ABCA13: variants seen among roughly 807,000 people sequenced by gnomAD.
ABCA13 encodes ATP-binding cassette sub-family A member 13.
ABCA13 carries 476 observed loss-of-function variants against 478.7 expected under a neutral mutation model. The observed-to-expected ratio is 0.99, with a 90% confidence interval of 0.92 to 1.07. ABCA13 has a LOEUF of 1.07. ABCA13 is among the 50% of genes least tolerant of loss of function. The pLI is 0.00. For synonymous variants in ABCA13, 2,252 were observed against 2,158.9 expected (o/e 1.04, Z -1.20); for missense variants, 6,060 against 5,910.6 (o/e 1.03, Z -0.83).
intron 29 of ABCA13, among the ~76,000 whole-genome samples, chr7:48,341,323 T>C (rs1807127322): frequency 6.6e-6 from 1 of 152,146 alleles, no homozygotes; most frequent in Admixed American, 6.5e-5. Flanking sequence ...CTGGGCAGGC[T>C]AGCCGCTCCT....
intron 19 of ABCA13, among the ~76,000 whole-genome samples, chr7:48,282,553 G>C (rs1797193091): frequency 6.6e-6 from 1 of 151,994 alleles, no homozygotes; most frequent in South Asian, 2.1e-4. Flanking sequence ...AGAAAAAAGT[G>C]AGGGGTCATC....
rs531858902 is a variant in ABCA13, at chr7:48,272,774, T to G, written c.3108T>G (p.Ile1036Met). 1 of 1,605,898 alleles carries G rather than the reference T, an allele frequency of 6.2e-7. No homozygotes were observed. The highest frequency in any genetic ancestry group is 1.1e-5 in the South Asian group (1 of 90,124). Reference protein sequence around the residue: ...NVSYCQQLLSIFNFLELQAQS... With the variant: ...NVSYCQQLLSMFNFLELQAQS... ...CTTACTGTCAGCAATTGCTTTCAAT[T>G]TTTAACTTTTTGGAGCTTCAGGCCC... The change falls in exon 17 of 62, where the codon ATT (isoleucine) becomes ATG (methionine). Residue 1036 changes from isoleucine (I) to methionine (M), a missense_variant. Ile to Met is a conservative substitution (Grantham distance 10, BLOSUM62 1). Around this residue, in one of 3 missense-constraint regions of ABCA13, gnomAD observed 4,423 missense variants for 4,309.1 expected, o/e 1.03. Transcript: ENST00000435803.
At chr7:48,640,112 C>G (rs888976816) in intron 59 of ABCA13, among the ~76,000 whole-genome samples, 1 of 152,082 alleles carries the variant, frequency 6.6e-6, no homozygotes, top group Non-Finnish European at 1.5e-5. Flanking sequence ...TTCTATTTTG[C>G]ACTTAATATT....
intron 55 of ABCA13, among the ~76,000 whole-genome samples, chr7:48,567,224 A>G (rs541339186): frequency 6.6e-6 from 1 of 152,284 alleles, no homozygotes; most frequent in African/African-American, 2.4e-5. Context: ...GAAGGCAGAA[A>G]GACCTTTTCC....
At chr7:48,527,083 G>A (rs11771656) in intron 54 of ABCA13, among the ~76,000 whole-genome samples, 2,220 of 152,240 alleles carry the variant, frequency 0.015, 22 homozygotes, top group South Asian at 0.024. Flanking sequence ...GGCAGGGAAG[G>A]AAAGGTGGGA....
chr7:48,245,695 T>A, intron 12 of ABCA13, 83 bp downstream of exon 12: 2 of 1,492,536 alleles, frequency 1.3e-6, no homozygotes, highest in Non-Finnish European at 1.8e-6. Flanking sequence ...TTGCTCCTTT[T>A]GTGAATTGTG....
chr7:48,297,798 T>G (rs1356685597), intron 22 of ABCA13, among the ~76,000 whole-genome samples: 1 of 151,694 alleles, frequency 6.6e-6, no homozygotes, highest in East Asian at 1.9e-4. Flanking sequence ...TTTTTTTTTT[T>G]TGTGTCTCAC....
chr7:48,366,131 C>T (rs986326584), intron 31 of ABCA13, among the ~76,000 whole-genome samples: 3 of 152,064 alleles, frequency 2.0e-5, no homozygotes, highest in African/African-American at 7.2e-5. Context: ...GCTTTAGTCT[C>T]CATTTTATTT....
chr7:48,569,725 A>G (rs58321909), intron 55 of ABCA13, among the ~76,000 whole-genome samples: 21,027 of 152,066 alleles, frequency 0.14, 1,831 homozygotes, highest in Admixed American at 0.22. Flanking sequence ...GTTTTTCATC[A>G]TATCGGGCAG....
chr7:48,262,256 A>C (rs936370796), intron 15 of ABCA13, among the ~76,000 whole-genome samples: 1 of 151,916 alleles, frequency 6.6e-6, no homozygotes, highest in Non-Finnish European at 1.5e-5. Context: ...CAGACTAGTC[A>C]ATCTCTAGCT....
At chr7:48,560,801 A>G (rs892831798) in intron 55 of ABCA13, among the ~76,000 whole-genome samples, 1 of 152,240 alleles carries the variant, frequency 6.6e-6, no homozygotes, top group African/African-American at 2.4e-5. Flanking sequence ...AAATAAAATC[A>G]GATTTATTTA....
intron 55 of ABCA13, among the ~76,000 whole-genome samples, chr7:48,544,970 T>C (rs529432872): frequency 3.9e-5 from 6 of 152,100 alleles, no homozygotes; most frequent in Non-Finnish European, 7.4e-5. Flanking sequence ...GCTTGATTGT[T>C]GGTGGGGAGA....
chr7:48,275,924 C>G lies in ABCA13; in HGVS notation c.6258C>G (p.Ile2086Met), dbSNP rs779801879. 2.5e-6 allele frequency: 4 copies of G among 1,613,612 alleles called. No homozygotes were observed. The Admixed American group carries it at 5.0e-5, about 20-fold the overall frequency. ...TGCTTTCTGAAATGAACAAAGGAATCAAAAGTATAAATTCAATGGCTCTTC... is the reference window on the plus strand; with the variant it reads ...TGCTTTCTGAAATGAACAAAGGAATGAAAAGTATAAATTCAATGGCTCTTC... ...RHLLSEMNKG[I>M]KSINSMALQK... The change falls in exon 17 of 62, where the codon ATC becomes ATG. Residue 2086 changes from isoleucine to methionine, a missense_variant. Physicochemically the swap from Ile to Met is conservative, Grantham distance 10. Transcript: ENST00000435803.
chr7:48,293,192 G>GCACCC (rs748200533), intron 20 of ABCA13, among the ~76,000 whole-genome samples: 6 of 108,278 alleles, frequency 5.5e-5, no homozygotes, highest in Non-Finnish European at 9.8e-5. Context: ...GAAGTCTTCA[G>GCACCC]CCCCCCCCCC....
chr7:48,511,163 A>T lies in ABCA13; in HGVS notation c.13604A>T (p.Asn4535Ile), dbSNP rs1320822857. ...TTAACAGCTTTTACTTTCCGCAAGA[A>T]CTTGGCAGCCACGGCCCTCCTGCTG... Reference protein sequence around the residue: ...FQLTAFTFRKNLAATALLLSL... With the variant: ...FQLTAFTFRKILAATALLLSL... The change falls in exon 51 of 62, where the codon AAC (asparagine) becomes ATC (isoleucine). Residue 4535 changes from asparagine (N) to isoleucine (I), a missense_variant. Physicochemically the swap from Asn to Ile is moderately radical, Grantham distance 149. This residue lies in a region of ABCA13 where 1,627 missense variants were observed against 1,571.0 expected (regional missense o/e 1.04). Transcript: ENST00000435803. 3 of 1,613,540 alleles carry T rather than the reference A, an allele frequency of 1.9e-6. No individual in the cohort carries two copies. Among genetic ancestry groups the T allele is most frequent in the Non-Finnish European group, 2.5e-6 (3 of 1,179,650 alleles).
intron 41 of ABCA13, among the ~76,000 whole-genome samples, chr7:48,422,449 T>C (rs576546176): frequency 2.9e-4 from 44 of 152,316 alleles, no homozygotes; most frequent in Non-Finnish European, 5.7e-4. Context: ...GAATTGACTT[T>C]TTATAACTTA....
chr7:48,497,783 T>C (rs1830405153), intron 48 of ABCA13, among the ~76,000 whole-genome samples: 2 of 152,144 alleles, frequency 1.3e-5, no homozygotes, highest in East Asian at 1.9e-4. Flanking sequence ...CTGCTCCCCA[T>C]TGGGCCCTGA....
rs1554420899 is a variant in ABCA13 at position 48,294,436 on chromosome 7, T to TTG, written c.8956-1263_8956-1262insGT. On this transcript the variant is annotated intron_variant, in intron 20 of 61. Transcript: ENST00000435803. The stretch of plus-strand genomic sequence containing the variant: ...CTTTGTTTCTATGGGTTTTTTTTTT[T>TTG]TTTTTGTTTTGTTTTTTTTTTGAGA... Among the ~76,000 whole-genome samples, 366 of 137,928 alleles carry TTG rather than the reference T, an allele frequency of 2.7e-3. 2 individuals carry two copies. Among genetic ancestry groups the TTG allele is most frequent in the African/African-American group, 9.4e-3 (345 of 36,552 alleles). The allele number at this position is 137,928 out of a possible 152,430, so 90.5% of individuals were successfully genotyped here.
chr7:48,345,607 T>C (rs1337494738), intron 29 of ABCA13, among the ~76,000 whole-genome samples: 1 of 152,246 alleles, frequency 6.6e-6, no homozygotes, highest in Non-Finnish European at 1.5e-5. Flanking sequence ...TGTACAGCTG[T>C]ACAATGTGTT....
Sources: gnomAD v4.1 joint callset for allele counts (sites outside exome capture counted in the v4.1 genomes callset) on GRCh38, gnomAD v4.1.1 for gene constraint, gnomAD v4.1.1 regional missense constraint, MANE v1.5 for transcripts, NCBI Gene and HGNC (gene_info 2026-07-23, HGNC 2026-07-21) for gene names.